The following KCNG2 variants were observed in gnomAD, a reference collection of about 807,000 sequenced individuals.
KCNG2 encodes the protein potassium voltage-gated channel modifier subfamily G member 2, also known as voltage-gated potassium channel regulatory subunit KCNG2.
Under a neutral mutation model 12.3 loss-of-function variants are expected in KCNG2, and 7 were observed. That is an observed-to-expected ratio of 0.57 (90% CI 0.32 to 1.07). The LOEUF (loss-of-function observed/expected upper bound fraction) is 1.07. Ranked by LOEUF, KCNG2 falls within the 50% of genes least tolerant of loss-of-function variation. The probability of loss-of-function intolerance (pLI) is 0.04; values close to 1 mark genes in which losing one functional copy is unlikely to be tolerated. For synonymous variants in KCNG2, 414 were observed against 351.4 expected (o/e 1.18, Z -1.99); for missense variants, 703 against 726.0 (o/e 0.97, Z 0.36).
Position 79,822,271 on chromosome 18 carries a change from C to T in KCNG2, c.-115+24257C>T, listed in dbSNP as rs2087576441. Among the ~76,000 whole-genome samples the T allele has an allele frequency of 6.6e-6, 1 of 152,164 alleles. No individual in the cohort carries two copies. Among genetic ancestry groups the T allele is most frequent in the Admixed American group, 6.5e-5 (1 of 15,274 alleles). On this transcript the variant is annotated intron_variant, in intron 1 of 3. Transcript: ENST00000316249. The surrounding 1 kb of genome is among the most constrained non-coding windows in gnomAD (Gnocchi z 4.4). Reference sequence around the variant, plus strand: ...CAGAATGGTCCAGACCAGGGATTCCCACTGGCCCCGCCCTGGTCACTACTT... The same window carrying T: ...CAGAATGGTCCAGACCAGGGATTCCTACTGGCCCCGCCCTGGTCACTACTT...
Position 79,863,922 on chromosome 18 carries a change from G to A in KCNG2, c.255G>A (p.Leu85=), listed in dbSNP as rs1211285011. ...PCAFRAIVAL[L]RAGKLRLLRG... ...CCTTCCGCGCCATCGTGGCGCTTTT[G>A]CGCGCAGGGAAGCTGCGACTGCTGC... The change falls in exon 3 of 4, where the codon TTG becomes TTA. Residue 85 remains leucine (L), a synonymous_variant. Coordinates refer to ENST00000316249, the MANE Select transcript of KCNG2 (RefSeq NM_012283.2). The A allele has an allele frequency of 7.2e-7, 1 of 1,386,550 alleles. No individual in the cohort carries two copies. The highest frequency in any genetic ancestry group is 9.4e-7 in the Non-Finnish European group (1 of 1,065,322). The allele number at this position is 1,386,550 out of a possible 1,614,324, so 85.9% of individuals were successfully genotyped here. A position where few individuals can be genotyped will look rare whatever the true frequency, so the allele number is the denominator to read the frequency against.
chr18:79,824,158 A>G (rs1458516728), intron 1 of KCNG2, among the ~76,000 whole-genome samples: 1 of 152,108 alleles, frequency 6.6e-6, no homozygotes, highest in African/African-American at 2.4e-5. Flanking sequence ...GCATCACCAC[A>G]TGTGGGTAAC....
chr18:79,865,905 G>T lies in KCNG2; in HGVS notation c.624+1614G>T, dbSNP rs1301069197. 1.1e-4 allele frequency among the ~76,000 whole-genome samples: 14 copies of T among 124,450 alleles called. 2 individuals carry two copies. Among genetic ancestry groups the T allele is most frequent in the African/African-American group, 3.5e-4 (13 of 37,200 alleles). 81.6% of individuals were successfully genotyped at this position (124,450 alleles called of 152,430 possible). A position where few individuals can be genotyped will look rare whatever the true frequency, so the allele number is the denominator to read the frequency against. ...GGGTGCTGAGAAGTCTGTGCTGAGA[G>T]GTCTGTGTGCTGAGAGATCTGGGTG... On this transcript the variant is annotated intron_variant, in intron 3 of 3. Transcript: ENST00000316249.
At position 79,800,586 on chromosome 18, in the gene KCNG2, G is replaced by A. The variant is rs564180623; in HGVS notation, c.-115+2572G>A. On this transcript the variant is annotated intron_variant, in intron 1 of 3. Coordinates refer to ENST00000316249, the MANE Select transcript of KCNG2 (RefSeq NM_012283.2). This position sits in a 1 kb window ranked among gnomAD's most constrained non-coding sequence, Gnocchi z 4.0. ...GACGAGACATGTACCCCGCCTTCCCGTGTGGGAGGCACTCAGGGTCCTTGC... is the reference window on the plus strand; with the variant it reads ...GACGAGACATGTACCCCGCCTTCCCATGTGGGAGGCACTCAGGGTCCTTGC... Among the ~76,000 whole-genome samples the A allele has an allele frequency of 5.9e-5, 9 of 152,350 alleles. No individual in the cohort carries two copies. Among genetic ancestry groups the A allele is most frequent in the South Asian group, 2.1e-4 (1 of 4,830 alleles).
chr18:79,798,792 C>T (rs1020702864), intron 1 of KCNG2, among the ~76,000 whole-genome samples: 1 of 152,206 alleles, frequency 6.6e-6, no homozygotes, highest in Non-Finnish European at 1.5e-5. Context: ...TCCTGCGGGG[C>T]TCCCGGGTTC....
At chr18:79,810,759 G>A (rs1011864111) in intron 1 of KCNG2, among the ~76,000 whole-genome samples, 2 of 152,062 alleles carry the variant, frequency 1.3e-5, no homozygotes, top group African/African-American at 4.8e-5. Flanking sequence ...GTGAGATGCT[G>A]TATAAAAAGA....
chr18:79,846,369 C>T (rs1453620981), intron 1 of KCNG2, among the ~76,000 whole-genome samples: 63 of 97,614 alleles, frequency 6.5e-4, no homozygotes, highest in Non-Finnish European at 7.8e-4. Flanking sequence ...AGCGAGACTC[C>T]GTCTCAAAAA....
intron 1 of KCNG2, among the ~76,000 whole-genome samples, chr18:79,834,488 G>A (rs1024912830): frequency 2.6e-5 from 4 of 152,162 alleles, no homozygotes; most frequent in African/African-American, 9.7e-5. Flanking sequence ...GACAAAGTCC[G>A]GCAGAGTCAA....
At position 79,899,952 on chromosome 18, in the gene KCNG2, G is replaced by C; in HGVS notation, c.*136G>C. ...GGCCGCGTCCTCGGCCCTCGTGCGT[G>C]AGCAGCCCCAGAACTTGGCGGGGCC... On this transcript the variant is annotated 3_prime_UTR_variant, in exon 4 of 4. Transcript: ENST00000316249. The C allele has an allele frequency of 1.2e-6, 1 of 812,722 alleles. No homozygotes were observed. The highest frequency in any genetic ancestry group is 1.7e-6 in the Non-Finnish European group (1 of 603,046). The allele number at this position is 812,722 out of a possible 1,614,324, so 50.3% of individuals were successfully genotyped here.
At chr18:79,873,293 G>A (rs1979925147) in intron 3 of KCNG2, among the ~76,000 whole-genome samples, 1 of 152,112 alleles carries the variant, frequency 6.6e-6, no homozygotes. Flanking sequence ...TTTTTCCCAG[G>A]CTGTTGTTTT....
At chr18:79,845,224 T>C (rs2123041487) in intron 1 of KCNG2, among the ~76,000 whole-genome samples, 1 of 152,328 alleles carries the variant, frequency 6.6e-6, no homozygotes, top group Middle Eastern at 3.4e-3. Context: ...GACAATATTA[T>C]GACGATGAAG....
chr18:79,897,554 ACT>A lies in KCNG2; in HGVS notation c.625-1482_625-1481del, dbSNP rs543586559. On this transcript the variant is annotated intron_variant, in intron 3 of 3. Coordinates refer to ENST00000316249, the MANE Select transcript of KCNG2 (RefSeq NM_012283.2). ...ATTCAGTTAAATTTGACATTTGGTC[ACT>A]CTCACAGCAGTTTTTGTTGCTTTCT... Among the ~76,000 whole-genome samples the A allele has an allele frequency of 2.6e-4, 40 of 152,072 alleles. No individual in the cohort carries two copies. In the East Asian group the frequency reaches 7.7e-3, roughly 29 times the overall value.
intron 2 of KCNG2, among the ~76,000 whole-genome samples, chr18:79,860,911 A>G (rs28865701): frequency 0.34 from 51,722 of 152,126 alleles, 9,283 homozygotes; most frequent in South Asian, 0.52. Context: ...GAAAGAATCC[A>G]GTCTTTCACC....
intron 3 of KCNG2, among the ~76,000 whole-genome samples, chr18:79,879,149 A>AGCCAGACC (rs1491092224): frequency 6.6e-6 from 1 of 152,236 alleles, no homozygotes. Context: ...GGATGGCTGC[A>AGCCAGACC]GCCAGACCTC....
intron 1 of KCNG2, among the ~76,000 whole-genome samples, chr18:79,853,063 A>G (rs1289153791): frequency 6.6e-6 from 1 of 152,162 alleles, no homozygotes; most frequent in Non-Finnish European, 1.5e-5. Flanking sequence ...GCCTGAGACC[A>G]TTCCTTCCCT....
chr18:79,807,285 G>A (rs1040066326), intron 1 of KCNG2, among the ~76,000 whole-genome samples: 1 of 152,108 alleles, frequency 6.6e-6, no homozygotes, highest in Non-Finnish European at 1.5e-5. Flanking sequence ...GAGATGCACC[G>A]TCTGAGCCTG....
chr18:79,818,344 C>T (rs1043055758), intron 1 of KCNG2, among the ~76,000 whole-genome samples: 6 of 152,220 alleles, frequency 3.9e-5, no homozygotes, highest in South Asian at 2.1e-4. Flanking sequence ...GCTGGAGGCC[C>T]GGCCCATGCC....
chr18:79,899,658 C>A lies in KCNG2; in HGVS notation c.1243C>A (p.Leu415Ile). The A allele has an allele frequency of 6.2e-7, 1 of 1,607,230 alleles. No homozygotes were observed. Among genetic ancestry groups the A allele is most frequent in the Non-Finnish European group, 8.5e-7 (1 of 1,177,466 alleles). Residue 415 changes from leucine (L) to isoleucine (I), a missense_variant, in exon 4 of 4, where the codon CTC becomes ATC. Coordinates refer to ENST00000316249, the MANE Select transcript of KCNG2 (RefSeq NM_012283.2). ...CACCTTTTCGCGCTCCTACTCCGAG[C>A]TCAAGGAGCAGCAGCAGCGCGCGGC... ...FHTFSRSYSELKEQQQRAASP... is the reference protein window; with the variant it reads ...FHTFSRSYSEIKEQQQRAASP...
chr18:79,837,350 C>G (rs1339150460), intron 1 of KCNG2, among the ~76,000 whole-genome samples: 1 of 152,214 alleles, frequency 6.6e-6, no homozygotes, highest in African/African-American at 2.4e-5. Context: ...CTTGCTGGCT[C>G]TGAGTGATGG....
Sources: gnomAD v4.1 joint callset for allele counts (sites outside exome capture counted in the v4.1 genomes callset) on GRCh38, gnomAD v4.1.1 for gene constraint, Gnocchi (gnomAD v3.1) non-coding constraint, MANE v1.5 for transcripts, NCBI Gene and HGNC (gene_info 2026-07-23, HGNC 2026-07-21) for gene names.